The following MORC3 variants were observed in gnomAD, a reference collection of about 807,000 sequenced individuals.
The protein encoded by MORC3 is MORC family CW-type zinc finger protein 3.
In MORC3, 31 loss-of-function variants were observed where a neutral mutation model predicts 109.1. That is an observed-to-expected ratio of 0.28 (90% CI 0.21 to 0.38). The LOEUF (loss-of-function observed/expected upper bound fraction) is 0.38, where lower values mean the gene tolerates loss of function less well. Ranked by LOEUF, MORC3 falls within the 10% of genes least tolerant of loss-of-function variation. MORC3 has a pLI of 1.00. For synonymous variants in MORC3, 395 were observed against 380.7 expected, an observed-to-expected ratio of 1.04 and a Z score of -0.44; for missense variants, 867 against 1,135.8, an observed-to-expected ratio of 0.76 and a Z score of 3.40.
rs1207262885 is a variant in MORC3 at position 36,375,343 on chromosome 21, T to C, written c.*47T>C. The C allele has an allele frequency of 1.3e-6, 2 of 1,507,932 alleles. No homozygotes were observed. The highest frequency in any genetic ancestry group is 9.0e-7 in the Non-Finnish European group (1 of 1,107,478). 93.4% of individuals were successfully genotyped at this position (1,507,932 alleles called of 1,614,324 possible). A position where few individuals can be genotyped will look rare whatever the true frequency, so the allele number is the denominator to read the frequency against. ...AATATTTGCTCAATTCTTTTGGTTG[T>C]ACAGCTTTCAAAATATAATTAATTT... On this transcript the variant is annotated 3_prime_UTR_variant, in exon 17 of 17. Coordinates refer to ENST00000400485, the MANE Select transcript of MORC3 (RefSeq NM_015358.3).
chr21:36,338,756 CTT>C lies in MORC3; in HGVS notation c.461-16_461-15del. ...TGAAAACTATGTTGTCAATCTGAGT[CTT>C]TAACTTATGATATACGACAGATGAT... On this transcript the variant is annotated splice_polypyrimidine_tract_variant and intron_variant, in intron 4 of 16. Coordinates refer to ENST00000400485, the MANE Select transcript of MORC3 (RefSeq NM_015358.3). 1 of 1,591,616 alleles carries C rather than the reference CTT, an allele frequency of 6.3e-7. No individual in the cohort carries two copies. Among genetic ancestry groups the C allele is most frequent in the Non-Finnish European group, 8.6e-7 (1 of 1,164,178 alleles).
intron 9 of MORC3, among the ~76,000 whole-genome samples, chr21:36,355,631 A>G (rs529539819): frequency 6.6e-6 from 1 of 152,078 alleles, no homozygotes; most frequent in South Asian, 2.1e-4. Flanking sequence ...TTCCCAGAAT[A>G]GAGTACTTTT....
chr21:36,368,452 C>T (rs1429541389), intron 14 of MORC3, among the ~76,000 whole-genome samples: 1 of 152,144 alleles, frequency 6.6e-6, no homozygotes, highest in Non-Finnish European at 1.5e-5. Context: ...AGATCTGGTA[C>T]TTCAAAGAGA....
At chr21:36,357,241 A>G (rs2085655094) in intron 10 of MORC3, among the ~76,000 whole-genome samples, 1 of 152,230 alleles carries the variant, frequency 6.6e-6, no homozygotes, top group Non-Finnish European at 1.5e-5. Flanking sequence ...AAATGAATGA[A>G]TGAACAATAT....
intron 2 of MORC3, among the ~76,000 whole-genome samples, chr21:36,335,013 C>G (rs1269377119): frequency 5.9e-5 from 9 of 152,024 alleles, no homozygotes; most frequent in Admixed American, 5.2e-4. Flanking sequence ...ACCTGTAGTC[C>G]TAGTGACTCG....
intron 14 of MORC3, among the ~76,000 whole-genome samples, chr21:36,368,618 C>T (rs569314881): frequency 6.6e-6 from 1 of 152,286 alleles, no homozygotes; most frequent in African/African-American, 2.4e-5. Context: ...GCTCATGTGT[C>T]TAATCCCAGC....
At chr21:36,372,093 G>A (rs746252024) in intron 15 of MORC3, among the ~76,000 whole-genome samples, 46 of 151,962 alleles carry the variant, frequency 3.0e-4, no homozygotes, top group Non-Finnish European at 2.9e-4. Flanking sequence ...GATTATAGGC[G>A]TGAGCCACCA....
chr21:36,374,039 A>G (rs2085901296), intron 16 of MORC3, among the ~76,000 whole-genome samples: 1 of 152,156 alleles, frequency 6.6e-6, no homozygotes, highest in Non-Finnish European at 1.5e-5. Context: ...TTCTCTGTAA[A>G]TGCACGGTAA....
At chr21:36,320,340 A>G in intron 1 of MORC3, 37 bp downstream of exon 1, 1 of 1,235,498 alleles carries the variant, frequency 8.1e-7, no homozygotes, top group Non-Finnish European at 1.1e-6. Context: ...GCCGTGTCCC[A>G]GGAGGGCGGG....
intron 15 of MORC3, among the ~76,000 whole-genome samples, chr21:36,370,635 A>ATTTTTTTTTTTTTTTTT (rs1361206395): frequency 9.5e-5 from 4 of 42,006 alleles, no homozygotes; most frequent in Non-Finnish European, 1.8e-4. Flanking sequence ...ATATATATAT[A>ATTTTTTTTTTTTTTTTT]TATATTTTTT....
chr21:36,352,009 CTT>C (rs150773698), intron 9 of MORC3, among the ~76,000 whole-genome samples: 3,744 of 152,140 alleles, frequency 0.025, 63 homozygotes, highest in Admixed American at 0.046. Context: ...AATTAAAAGT[CTT>C]AATTAAAATA....
intron 14 of MORC3, among the ~76,000 whole-genome samples, chr21:36,367,036 T>C (rs552313879): frequency 1.6e-4 from 24 of 152,134 alleles, no homozygotes; most frequent in South Asian, 4.1e-4. Flanking sequence ...AGGTGGAAGA[T>C]AGATAGGGGT....
At chr21:36,333,766 TG>T (rs757827393) in intron 2 of MORC3, 48 bp downstream of exon 2, 35 of 1,374,862 alleles carry the variant, frequency 2.5e-5, no homozygotes, top group Admixed American at 2.4e-4. Context: ...ACAATTGTAG[TG>T]TTTTTTTTTT....
At chr21:36,371,604 T>G (rs2085868296) in intron 15 of MORC3, among the ~76,000 whole-genome samples, 1 of 152,198 alleles carries the variant, frequency 6.6e-6, no homozygotes, top group African/African-American at 2.4e-5. Context: ...AAGTGTGGTT[T>G]CTATAGAATG....
At chr21:36,323,968 C>T (rs558323683) in intron 1 of MORC3, among the ~76,000 whole-genome samples, 66 of 152,090 alleles carry the variant, frequency 4.3e-4, no homozygotes, top group African/African-American at 1.4e-3. Flanking sequence ...CCCTGCCTCC[C>T]GGGTTCAAGC....
At chr21:36,348,065 A>G (rs1053270336) in intron 8 of MORC3, 13 of 152,302 alleles carry the variant, frequency 8.5e-5, no homozygotes, top group African/African-American at 2.9e-4. Context: ...TGAGTTACAC[A>G]TTTTACTTTT....
In MORC3 at chr21:36,362,199, A is replaced by G; in HGVS notation, c.1423A>G (p.Arg475Gly). The change falls in exon 13 of 17, where the codon AGG becomes GGG. Residue 475 changes from arginine (R) to glycine (G), a missense_variant. By Grantham distance (125) the Arg-to-Gly change is moderately radical. Transcript: ENST00000400485. The part of the protein sequence containing the change: ...TYKKTNKEKF[R>G]IRQPEMIPRI... Reference sequence around the variant, plus strand: ...ATTTTAAAGCAACAAGGAAAAATTCAGGATCAGACAACCGGAAATGATCCC... The same window carrying G: ...ATTTTAAAGCAACAAGGAAAAATTCGGGATCAGACAACCGGAAATGATCCC... The G allele has an allele frequency of 6.2e-7, 1 of 1,612,250 alleles. No individual in the cohort carries two copies. Among genetic ancestry groups the G allele is most frequent in the Non-Finnish European group, 8.5e-7 (1 of 1,179,506 alleles).
In MORC3 at chr21:36,337,834, C is replaced by T. The variant is rs367841042; in HGVS notation, c.348C>T (p.Ile116=). 9.3e-6 allele frequency: 15 copies of T among 1,614,062 alleles called. No homozygotes were observed. Among genetic ancestry groups the T allele is most frequent in the Middle Eastern group, 1.6e-4 (1 of 6,084 alleles). ...SGSMRLGKDA[I]VFTKNGESMS... ...CTATGCGTCTGGGTAAAGACGCAAT[C>T]GTTTTTACCAAAAATGGAGAAAGCA... is the stretch of plus-strand genomic sequence containing the variant. Residue 116 remains isoleucine, a synonymous_variant, in exon 4 of 17, where the codon ATC becomes ATT. Transcript: ENST00000400485.
In MORC3 at chr21:36,369,573, T is replaced by C; in HGVS notation, c.2205T>C (p.Asn735=). The C allele has an allele frequency of 6.2e-7, 1 of 1,614,214 alleles. No homozygotes were observed. Among genetic ancestry groups the C allele is most frequent in the Non-Finnish European group, 8.5e-7 (1 of 1,180,040 alleles). The change falls in exon 15 of 17, where the codon AAT becomes AAC. Residue 735 remains asparagine, a synonymous_variant. Coordinates refer to ENST00000400485, the MANE Select transcript of MORC3 (RefSeq NM_015358.3). ...KVLQQRILEM[N]DKYVKKETCH... ...TACAACAGAGGATACTAGAAATGAA[T>C]GACAAGTATGTTAAGAAAGAAACTT... is the stretch of plus-strand genomic sequence containing the variant.
Sources: allele counts gnomAD v4.1 joint callset (sites outside exome capture counted in the v4.1 genomes callset), GRCh38; gene constraint gnomAD v4.1.1; transcripts MANE v1.5; gene names NCBI Gene and HGNC (gene_info 2026-07-23, HGNC 2026-07-21).